SPOCK3: variants seen among roughly 807,000 people sequenced by gnomAD.
SPOCK3 encodes the protein testican-3.
Under a neutral mutation model 56.6 loss-of-function variants are expected in SPOCK3, and 30 were observed. The observed-to-expected ratio is 0.53, with a 90% confidence interval of 0.40 to 0.72. The LOEUF (loss-of-function observed/expected upper bound fraction) is 0.72. Ranked by LOEUF, SPOCK3 falls within the 30% of genes least tolerant of loss-of-function variation. SPOCK3 has a pLI of 0.00. For missense variants in SPOCK3, 527 were observed against 530.0 expected (o/e 0.99, Z 0.06); for synonymous variants, 196 against 183.3 (o/e 1.07, Z -0.56).
At chr4:167,206,553 C>A (rs577636687) in intron 2 of SPOCK3, among the ~76,000 whole-genome samples, 1 of 152,048 alleles carries the variant, frequency 6.6e-6, no homozygotes, top group East Asian at 1.9e-4. Flanking sequence ...ACTTGTGGCA[C>A]TTTTCTCAAC....
chr4:167,156,437 TAATC>T (rs1251149610), intron 2 of SPOCK3, among the ~76,000 whole-genome samples: 1 of 152,196 alleles, frequency 6.6e-6, no homozygotes, highest in African/African-American at 2.4e-5. Context: ...ATGCAAAACT[TAATC>T]TATCTGCACC....
chr4:166,782,221 T>A (rs1043394318), intron 7 of SPOCK3, among the ~76,000 whole-genome samples: 4 of 152,164 alleles, frequency 2.6e-5, no homozygotes, highest in African/African-American at 9.6e-5. Context: ...TTTTACTTGT[T>A]TTTGTACCCA....
intron 6 of SPOCK3, among the ~76,000 whole-genome samples, chr4:166,874,854 A>G (rs1051181875): frequency 1.2e-4 from 18 of 152,192 alleles, no homozygotes; most frequent in African/African-American, 3.9e-4. Flanking sequence ...TTTTAATAGT[A>G]ACTCTTTTGC....
At chr4:166,771,508 G>A (rs997101060) in intron 7 of SPOCK3, among the ~76,000 whole-genome samples, 4 of 152,028 alleles carry the variant, frequency 2.6e-5, no homozygotes, top group Admixed American at 6.6e-5. Flanking sequence ...CTGAATCTAA[G>A]TTAGGTAGTT....
At chr4:166,868,725 C>A (rs1383476548) in intron 6 of SPOCK3, among the ~76,000 whole-genome samples, 1 of 152,020 alleles carries the variant, frequency 6.6e-6, no homozygotes, top group Non-Finnish European at 1.5e-5. Flanking sequence ...CAAACTATAT[C>A]AATATAATTT....
chr4:167,145,795 G>C (rs1216023680), intron 2 of SPOCK3, among the ~76,000 whole-genome samples: 1 of 151,940 alleles, frequency 6.6e-6, no homozygotes, highest in Non-Finnish European at 1.5e-5. Context: ...TGCCTTACAA[G>C]AGCTCCTGAA....
chr4:167,161,703 T>C (rs1159240341), intron 2 of SPOCK3, among the ~76,000 whole-genome samples: 1 of 152,058 alleles, frequency 6.6e-6, no homozygotes, highest in Non-Finnish European at 1.5e-5. Context: ...TGGAATACTA[T>C]GCAGCCACAA....
chr4:166,958,037 G>C (rs762636542), intron 4 of SPOCK3, among the ~76,000 whole-genome samples: 15 of 152,232 alleles, frequency 9.9e-5, no homozygotes, highest in Non-Finnish European at 1.9e-4. Context: ...TAGTTTGGAT[G>C]CATGTCCCTG....
chr4:167,014,275 G>T (rs1318472802), intron 3 of SPOCK3, among the ~76,000 whole-genome samples: 1 of 48,048 alleles, frequency 2.1e-5, no homozygotes, highest in Non-Finnish European at 6.4e-5. Context: ...TTCTTGAGTG[G>T]GTTTTTTTTT....
At chr4:167,219,342 G>A (rs1028149034) in intron 2 of SPOCK3, among the ~76,000 whole-genome samples, 3 of 152,134 alleles carry the variant, frequency 2.0e-5, no homozygotes, top group South Asian at 4.1e-4. Flanking sequence ...TAGCAAGCTC[G>A]TATTTCAGAG....
At chr4:167,142,044 T>G (rs1163685719) in intron 2 of SPOCK3, among the ~76,000 whole-genome samples, 1 of 152,048 alleles carries the variant, frequency 6.6e-6, no homozygotes, top group African/African-American at 2.4e-5. Flanking sequence ...ATTTCCAATT[T>G]AGAGTTTTTT....
At chr4:167,164,407 G>A (rs1765581200) in intron 2 of SPOCK3, among the ~76,000 whole-genome samples, 1 of 151,892 alleles carries the variant, frequency 6.6e-6, no homozygotes, top group Admixed American at 6.6e-5. Context: ...GATTATATGG[G>A]ATTTATTAGG....
intron 4 of SPOCK3, among the ~76,000 whole-genome samples, chr4:166,949,412 T>C (rs920851766): frequency 2.1e-4 from 32 of 152,096 alleles, no homozygotes; most frequent in African/African-American, 5.6e-4. Flanking sequence ...GGAGGAGAGG[T>C]GCTCTGCTTT....
At chr4:166,815,615 C>A (rs1744301891) in intron 6 of SPOCK3, among the ~76,000 whole-genome samples, 1 of 151,870 alleles carries the variant, frequency 6.6e-6, no homozygotes, top group African/African-American at 2.4e-5. Context: ...TCTCTCTCTA[C>A]CAAAAATAAC....
At chr4:167,087,764 C>T (rs1758333040) in intron 2 of SPOCK3, among the ~76,000 whole-genome samples, 1 of 152,150 alleles carries the variant, frequency 6.6e-6, no homozygotes, top group East Asian at 1.9e-4. Context: ...TCATTTACTT[C>T]CCACATACTA....
chr4:166,927,112 A>C (rs899226482), intron 4 of SPOCK3, among the ~76,000 whole-genome samples: 2 of 152,208 alleles, frequency 1.3e-5, no homozygotes, highest in African/African-American at 4.8e-5. Flanking sequence ...TACTTGTTGG[A>C]AGACATAATA....
At chr4:166,956,572 T>C (rs540910122) in intron 4 of SPOCK3, among the ~76,000 whole-genome samples, 1 of 152,314 alleles carries the variant, frequency 6.6e-6, no homozygotes, top group South Asian at 2.1e-4. Flanking sequence ...CAGTTAACAC[T>C]TATAAATTGT....
intron 2 of SPOCK3, among the ~76,000 whole-genome samples, chr4:167,104,820 G>A (rs1759952829): frequency 1.3e-5 from 2 of 148,274 alleles, no homozygotes; most frequent in African/African-American, 2.5e-5. Flanking sequence ...AAGGATAAAC[G>A]ATCCCAAAAG....
rs76347214 is a variant in SPOCK3, at chr4:167,005,775, G to A, written c.236-5312C>T. Among the ~76,000 whole-genome samples, 60 of 152,010 alleles carry A rather than the reference G, an allele frequency of 3.9e-4. 2 individuals are homozygous for A. In the East Asian group the frequency reaches 9.1e-3, roughly 23 times the overall value. On this transcript the variant is annotated intron_variant, in intron 3 of 10. Coordinates refer to ENST00000357545, the MANE Select transcript of SPOCK3 (RefSeq NM_001040159.2). ...CTTTGTTTTTGTTGTTGTTGTTGTC[G>A]GGGACTTGCAAATACTTGTGAAAAT...
Sources: allele counts gnomAD v4.1 joint callset (sites outside exome capture counted in the v4.1 genomes callset), GRCh38; gene constraint gnomAD v4.1.1; transcripts MANE v1.5; gene names NCBI Gene and HGNC (gene_info 2026-07-23, HGNC 2026-07-21).